Variants in ATF3 observed in about 807,000 individuals in gnomAD.
ATF3 encodes cyclic AMP-dependent transcription factor ATF-3.
In ATF3, 10 loss-of-function variants were observed where a neutral mutation model predicts 18.4. That is an observed-to-expected ratio of 0.54 (90% CI 0.34 to 0.92). The LOEUF (loss-of-function observed/expected upper bound fraction) is 0.92, where lower values mean the gene tolerates loss of function less well. Among genes scored for constraint, ATF3 ranks in the 40% least tolerant of loss-of-function variants. ATF3 has a pLI of 0.02. For synonymous variants in ATF3, 78 were observed against 87.9 expected (o/e 0.89, Z 0.63); for missense variants, 183 against 222.3 (o/e 0.82, Z 1.12).
chr1:212,575,028 T>G (rs954249100), intron 1 of ATF3, among the ~76,000 whole-genome samples: 1 of 152,128 alleles, frequency 6.6e-6, no homozygotes, highest in African/African-American at 2.4e-5. Context: ...ACACGCATTT[T>G]GAAGATTTTT....
chr1:212,618,955 C>A lies in ATF3; in HGVS notation c.349-403C>A. ...GAAAATTAGGGAATTTTGTGTGTTG[C>A]TATATACATTTTTTCTGGGGAGATG... On this transcript the variant is annotated intron_variant, in intron 3 of 3. Transcript: ENST00000341491. The surrounding 1 kb of genome is among the most constrained non-coding windows in gnomAD (Gnocchi z 4.4). 6.6e-7 allele frequency: 1 copy of A among 1,518,748 alleles called. No individual in the cohort carries two copies. Among genetic ancestry groups the A allele is most frequent in the Non-Finnish European group, 9.1e-7 (1 of 1,096,984 alleles). The allele number at this position is 1,518,748 out of a possible 1,614,324, so 94.1% of individuals were successfully genotyped here.
intron 1 of ATF3, among the ~76,000 whole-genome samples, chr1:212,587,221 G>A (rs965626240): frequency 3.3e-5 from 5 of 152,152 alleles, no homozygotes; most frequent in Non-Finnish European, 7.3e-5. Flanking sequence ...TAATAATACC[G>A]TGCTTAAATT....
chr1:212,600,284 C>G (rs1027284351), intron 1 of ATF3, among the ~76,000 whole-genome samples: 4 of 152,236 alleles, frequency 2.6e-5, no homozygotes, highest in Non-Finnish European at 5.9e-5. Context: ...AGACCCCCTC[C>G]CTTTGTCCCT....
chr1:212,574,508 AAC>A (rs1442774768), intron 1 of ATF3, among the ~76,000 whole-genome samples: 2 of 151,940 alleles, frequency 1.3e-5, no homozygotes, highest in Non-Finnish European at 2.9e-5. Flanking sequence ...TGTCTTTTTT[AAC>A]ACATAGTTTT....
upstream of ATF3, among the ~76,000 whole-genome samples, chr1:212,607,855 C>T (rs992299896): frequency 6.6e-6 from 1 of 152,134 alleles, no homozygotes; most frequent in Admixed American, 6.5e-5. Flanking sequence ...TCTTTTCACG[C>T]TCTTGTTGGT....
exon 1 of ATF3, chr1:212,565,434 A>G (rs1006621624): frequency 1.3e-5 from 2 of 152,180 alleles, no homozygotes; most frequent in Non-Finnish European, 2.9e-5. Flanking sequence ...CCTCCTCTAT[A>G]TAGGATGCTC....
At chr1:212,575,697 A>G (rs995454159) in intron 1 of ATF3, among the ~76,000 whole-genome samples, 1 of 152,112 alleles carries the variant, frequency 6.6e-6, no homozygotes, top group African/African-American at 2.4e-5. Flanking sequence ...TTCTATACCT[A>G]GTTTGCTAAG....
upstream of ATF3, chr1:212,608,697 G>C (rs1460630525): frequency 1.3e-5 from 2 of 152,400 alleles, no homozygotes; most frequent in African/African-American, 4.8e-5. Context: ...CTGGCAACAC[G>C]GAGTAAACGA....
At chr1:212,574,727 T>C (rs1664542960) in intron 1 of ATF3, among the ~76,000 whole-genome samples, 1 of 152,152 alleles carries the variant, frequency 6.6e-6, no homozygotes, top group East Asian at 1.9e-4. Flanking sequence ...TACTCCCATA[T>C]GGATAACCAG....
chr1:212,569,815 CATT>C (rs1162231490), intron 1 of ATF3, among the ~76,000 whole-genome samples: 1 of 151,924 alleles, frequency 6.6e-6, no homozygotes, highest in African/African-American at 2.4e-5. Context: ...CTGTAATAAA[CATT>C]ATTGTAGCTA....
intron 1 of ATF3, among the ~76,000 whole-genome samples, chr1:212,586,795 G>T (rs943712941): frequency 6.6e-6 from 1 of 152,152 alleles, no homozygotes; most frequent in East Asian, 1.9e-4. Context: ...CAGTTATCAC[G>T]CTAAGCCTTA....
In ATF3 at chr1:212,619,691, G is replaced by C; in HGVS notation, c.*136G>C. 3.2e-6 allele frequency: 4 copies of C among 1,258,242 alleles called. No homozygotes were observed. The highest frequency in any genetic ancestry group is 4.4e-6 in the Non-Finnish European group (4 of 903,050). The allele number at this position is 1,258,242 out of a possible 1,614,324, so 77.9% of individuals were successfully genotyped here. A position where few individuals can be genotyped will look rare whatever the true frequency, so the allele number is the denominator to read the frequency against. The stretch of plus-strand genomic sequence containing the variant: ...AGCAGAGAACCATCAAGGCGGGAGG[G>C]CCTGCAGTGATTCAGCAGGCCCTTC... On this transcript the variant is annotated 3_prime_UTR_variant, in exon 4 of 4. Coordinates refer to ENST00000341491, the MANE Select transcript of ATF3 (RefSeq NM_001674.4). This position sits in a 1 kb window ranked among gnomAD's most constrained non-coding sequence, Gnocchi z 4.4.
intron 1 of ATF3, among the ~76,000 whole-genome samples, chr1:212,583,818 C>T (rs968885638): frequency 2.6e-5 from 4 of 152,200 alleles, no homozygotes; most frequent in African/African-American, 9.7e-5. Context: ...TCCCGCTGGG[C>T]ATCAGTTTCC....
intron 1 of ATF3, among the ~76,000 whole-genome samples, chr1:212,587,741 G>A (rs1408228241): frequency 6.6e-6 from 1 of 152,190 alleles, no homozygotes; most frequent in Non-Finnish European, 1.5e-5. Flanking sequence ...ATACATATGT[G>A]TGTATCTCCT....
chr1:212,620,650 A>G lies in ATF3; in HGVS notation c.*1095A>G, dbSNP rs1454086060. The G allele has an allele frequency of 2.6e-5, 4 of 152,662 alleles. No homozygotes were observed. Among genetic ancestry groups the G allele is most frequent in the African/African-American group, 9.6e-5 (4 of 41,462 alleles). 9.5% of individuals were successfully genotyped at this position (152,662 alleles called of 1,614,324 possible). A position where few individuals can be genotyped will look rare whatever the true frequency, so the allele number is the denominator to read the frequency against. ...ATTAAAATTCTGATGTTTCTGTGAA[A>G]TTCTCAGAGTGTTTAATTGTACTCA... On this transcript the variant is annotated 3_prime_UTR_variant, in exon 4 of 4. Transcript: ENST00000341491.
At chr1:212,596,404 C>T (rs1211543514) in intron 1 of ATF3, among the ~76,000 whole-genome samples, 1 of 152,184 alleles carries the variant, frequency 6.6e-6, no homozygotes, top group Non-Finnish European at 1.5e-5. Context: ...TACTTTATAA[C>T]AATAATAGTG....
upstream of ATF3, among the ~76,000 whole-genome samples, chr1:212,606,359 T>C (rs1196460330): frequency 6.6e-6 from 1 of 152,236 alleles, no homozygotes; most frequent in African/African-American, 2.4e-5. Flanking sequence ...ACAGCATTTC[T>C]ATCCAACTTG....
intron 1 of ATF3, among the ~76,000 whole-genome samples, chr1:212,596,258 TC>T (rs1311850392): frequency 3.3e-5 from 5 of 152,220 alleles, no homozygotes; most frequent in African/African-American, 1.2e-4. Flanking sequence ...AGGCTAACTT[TC>T]CCCTGTGTAA....
At chr1:212,603,264 T>C (rs563174799) in intron 1 of ATF3, among the ~76,000 whole-genome samples, 111 of 152,294 alleles carry the variant, frequency 7.3e-4, no homozygotes, top group African/African-American at 2.4e-3. Context: ...TCTAATTCTG[T>C]ATTACTAGCC....
Sources: allele counts gnomAD v4.1 joint callset (sites outside exome capture counted in the v4.1 genomes callset), GRCh38; gene constraint gnomAD v4.1.1; non-coding constraint Gnocchi (gnomAD v3.1); transcripts MANE v1.5; gene names NCBI Gene and HGNC (gene_info 2026-07-23, HGNC 2026-07-21).